CNOT4: variants seen among roughly 807,000 people sequenced by gnomAD.
CNOT4 encodes the protein CCR4-associated factor 4.
A neutral mutation model predicts 73.8 loss-of-function variants in CNOT4; 8 were observed. The ratio of observed to expected loss-of-function variants is 0.11; its 90% CI spans 0.06 to 0.20. CNOT4 has a LOEUF of 0.20. Among genes scored for constraint, CNOT4 ranks in the 10% least tolerant of loss-of-function variants. CNOT4 has a pLI of 1.00. For synonymous variants in CNOT4, 293 were observed against 321.1 expected, an observed-to-expected ratio of 0.91 and a Z score of 0.94; for missense variants, 564 against 883.4, an observed-to-expected ratio of 0.64 and a Z score of 4.58.
At chr7:135,504,356 C>T (rs551424761) in intron 1 of CNOT4, among the ~76,000 whole-genome samples, 11 of 149,360 alleles carry the variant, frequency 7.4e-5, no homozygotes, top group African/African-American at 1.5e-4. Flanking sequence ...AGTGCAATGG[C>T]GCAATCTCAG....
At chr7:135,432,381 T>G (rs1322786989) in intron 2 of CNOT4, among the ~76,000 whole-genome samples, 2 of 152,236 alleles carry the variant, frequency 1.3e-5, no homozygotes, top group Non-Finnish European at 2.9e-5. Context: ...TACAACTTTT[T>G]GTTTCCCCTA....
intron 1 of CNOT4, among the ~76,000 whole-genome samples, chr7:135,452,950 C>A (rs148605232): frequency 6.6e-6 from 1 of 152,296 alleles, no homozygotes; most frequent in Non-Finnish European, 1.5e-5. Flanking sequence ...TTCTCTACCA[C>A]ACTTGTGAAG....
At chr7:135,494,761 A>C (rs1395608342) in intron 1 of CNOT4, among the ~76,000 whole-genome samples, 1 of 152,168 alleles carries the variant, frequency 6.6e-6, no homozygotes, top group Non-Finnish European at 1.5e-5. Context: ...GGGGCCTGAA[A>C]TCCAAGTGTA....
At chr7:135,408,692 T>C (rs1392306622) in intron 7 of CNOT4, among the ~76,000 whole-genome samples, 2 of 152,034 alleles carry the variant, frequency 1.3e-5, no homozygotes, top group South Asian at 4.2e-4. Context: ...TCAATTCACT[T>C]AACGTGCACA....
At chr7:135,440,791 T>C (rs1311561139) in intron 1 of CNOT4, among the ~76,000 whole-genome samples, 21 of 152,006 alleles carry the variant, frequency 1.4e-4, no homozygotes, top group Non-Finnish European at 3.1e-4. Flanking sequence ...TGGTGGCACA[T>C]GCCTGTATTC....
intron 1 of CNOT4, among the ~76,000 whole-genome samples, chr7:135,474,722 T>C (rs1263966125): frequency 6.6e-6 from 1 of 152,122 alleles, no homozygotes; most frequent in Non-Finnish European, 1.5e-5. Context: ...TAACTGAAAA[T>C]GTAAATGAAA....
intron 2 of CNOT4, among the ~76,000 whole-genome samples, chr7:135,425,864 C>T (rs1044286811): frequency 3.3e-5 from 5 of 152,092 alleles, no homozygotes; most frequent in Admixed American, 3.3e-4. Flanking sequence ...ACCATATATA[C>T]CTACTGCACA....
chr7:135,383,520 C>T (rs140918006), intron 10 of CNOT4, among the ~76,000 whole-genome samples: 1 of 152,302 alleles, frequency 6.6e-6, no homozygotes, highest in African/African-American at 2.4e-5. Flanking sequence ...AAACCTGACC[C>T]AGGATTCCCC....
chr7:135,437,220 C>G (rs1014919283), intron 2 of CNOT4, among the ~76,000 whole-genome samples: 1 of 151,242 alleles, frequency 6.6e-6, no homozygotes, highest in Non-Finnish European at 1.5e-5. Flanking sequence ...GACGGAGTCT[C>G]GCTCTGTTGC....
intron 1 of CNOT4, among the ~76,000 whole-genome samples, chr7:135,502,346 A>T (rs1193953591): frequency 6.6e-6 from 1 of 152,224 alleles, no homozygotes; most frequent in African/African-American, 2.4e-5. Flanking sequence ...CTTTAGTCTG[A>T]AGATATCCCT....
intron 1 of CNOT4, among the ~76,000 whole-genome samples, chr7:135,456,155 A>G (rs1800515984): frequency 3.3e-5 from 5 of 152,262 alleles, no homozygotes; most frequent in Admixed American, 2.0e-4. Flanking sequence ...GCTATACACA[A>G]ATGAGTAAGT....
rs1383323209 is a variant in CNOT4, at chr7:135,389,001, G to C, written c.1627+4917C>G. 6.6e-6 allele frequency: 7 copies of C among 1,061,848 alleles called. No homozygotes were observed. The East Asian group carries it at 1.9e-4, about 29-fold the overall frequency. 65.8% of individuals were successfully genotyped at this position (1,061,848 alleles called of 1,614,324 possible). ...ATACTGATACATATATAAAATACAT[G>C]CTTAATGTTTGGAATCCAGGTGTGA... On this transcript the variant is annotated intron_variant, in intron 10 of 11. Coordinates refer to ENST00000541284, the MANE Select transcript of CNOT4 (RefSeq NM_001190850.2).
At chr7:135,381,377 A>C (rs547744480) in intron 10 of CNOT4, among the ~76,000 whole-genome samples, 1 of 152,360 alleles carries the variant, frequency 6.6e-6, no homozygotes, top group South Asian at 2.1e-4. Context: ...GAAGACAGTA[A>C]GACTATTACT....
chr7:135,399,958 C>T (rs1796914588), intron 7 of CNOT4, among the ~76,000 whole-genome samples: 1 of 152,050 alleles, frequency 6.6e-6, no homozygotes, highest in Admixed American at 6.5e-5. Context: ...CCAGTGCTTG[C>T]TATCAAATGA....
chr7:135,474,601 T>C (rs939626466), intron 1 of CNOT4, among the ~76,000 whole-genome samples: 2 of 152,122 alleles, frequency 1.3e-5, no homozygotes, highest in African/African-American at 4.8e-5. Flanking sequence ...TTCAAAACAC[T>C]AGTGCAGTGC....
At chr7:135,418,986 CG>C (rs1409969571) in intron 3 of CNOT4, among the ~76,000 whole-genome samples, 1 of 152,096 alleles carries the variant, frequency 6.6e-6, no homozygotes, top group African/African-American at 2.4e-5. Flanking sequence ...CCCCCCTACC[CG>C]CCCCCTGGCA....
At chr7:135,482,982 A>G (rs1222632537) in intron 1 of CNOT4, among the ~76,000 whole-genome samples, 1 of 131,674 alleles carries the variant, frequency 7.6e-6, no homozygotes, top group Non-Finnish European at 1.6e-5. Context: ...GCGAGACTCC[A>G]TATCAAAAAA....
intron 1 of CNOT4, among the ~76,000 whole-genome samples, chr7:135,453,826 T>TTATATATA (rs55732572): frequency 0.012 from 1,096 of 89,856 alleles, 8 homozygotes; most frequent in African/African-American, 0.021. Flanking sequence ...TATATATATT[T>TTATATATA]TATATATATA....
chr7:135,469,447 T>G (rs1367254389), intron 1 of CNOT4, among the ~76,000 whole-genome samples: 2 of 152,246 alleles, frequency 1.3e-5, no homozygotes, highest in Non-Finnish European at 2.9e-5. Context: ...TGACATATCC[T>G]CTTCACTGGA....
Sources: gnomAD v4.1 joint callset for allele counts (sites outside exome capture counted in the v4.1 genomes callset) on GRCh38, gnomAD v4.1.1 for gene constraint, MANE v1.5 for transcripts, NCBI Gene and HGNC (gene_info 2026-07-23, HGNC 2026-07-21) for gene names.